The following SIPA1L1 variants were observed in gnomAD, a reference collection of about 807,000 sequenced individuals.
SIPA1L1 encodes signal-induced proliferation-associated 1-like protein 1.
A neutral mutation model predicts 162.7 loss-of-function variants in SIPA1L1; 26 were observed. That is an observed-to-expected ratio of 0.16 (90% CI 0.12 to 0.22). The LOEUF is 0.22. Ranked by LOEUF, SIPA1L1 falls within the 10% of genes least tolerant of loss-of-function variation. The probability of loss-of-function intolerance (pLI) is 1.00; values close to 1 mark genes in which losing one functional copy is unlikely to be tolerated. For missense variants in SIPA1L1, 1,874 were observed against 2,241.0 expected (o/e 0.84, Z 3.31); for synonymous variants, 829 against 837.4 (o/e 0.99, Z 0.17).
chr14:71,684,961 C>T (rs2046158666), intron 12 of SIPA1L1, among the ~76,000 whole-genome samples: 1 of 152,126 alleles, frequency 6.6e-6, no homozygotes, highest in Non-Finnish European at 1.5e-5. Context: ...TTTCAGAACC[C>T]AGTTGTGGTG....
chr14:71,671,753 A>G (rs2044540519), intron 11 of SIPA1L1, 61 bp downstream of exon 11: 3 of 1,289,224 alleles, frequency 2.3e-6, no homozygotes, highest in South Asian at 1.5e-5. Context: ...TTCAATACAG[A>G]CTAGAGCCAA....
rs2045355351 is a variant in SIPA1L1 at position 71,677,738 on chromosome 14, G to A, written c.3104+5116G>A. On this transcript the variant is annotated intron_variant, in intron 12 of 23. Transcript: ENST00000381232. ...TCATTTATTAAATAGGGAATCCTGT[G>A]CCCATTTCTAGTTTTTGTCAAGTTT... Among the ~76,000 whole-genome samples, 4 of 152,192 alleles carry A rather than the reference G, an allele frequency of 2.6e-5. No individual in the cohort carries two copies. In the South Asian group the frequency reaches 8.3e-4, roughly 32 times the overall value.
At chr14:71,703,735 C>G (rs1036226288) in intron 15 of SIPA1L1, among the ~76,000 whole-genome samples, 1 of 152,148 alleles carries the variant, frequency 6.6e-6, no homozygotes, top group African/African-American at 2.4e-5. Flanking sequence ...AGGCTTTGAA[C>G]AAGGCTGCCA....
At chr14:71,461,464 C>T (rs2046598482) in intron 2 of SIPA1L1, among the ~76,000 whole-genome samples, 1 of 152,106 alleles carries the variant, frequency 6.6e-6, no homozygotes, top group Non-Finnish European at 1.5e-5. Flanking sequence ...TCATTCCATT[C>T]ACTTGATTAT....
At chr14:71,554,241 A>C (rs1352770640) in intron 4 of SIPA1L1, among the ~76,000 whole-genome samples, 3 of 152,128 alleles carry the variant, frequency 2.0e-5, no homozygotes, top group Non-Finnish European at 4.4e-5. Flanking sequence ...TCAAACCTTC[A>C]AATGTTAATT....
At chr14:71,445,448 T>A (rs186305478) in intron 2 of SIPA1L1, among the ~76,000 whole-genome samples, 217 of 152,282 alleles carry the variant, frequency 1.4e-3, no homozygotes, top group Non-Finnish European at 2.6e-3. Context: ...TTTTTTTTTT[T>A]AATTCTTGTA....
chr14:71,521,842 A>G (rs1419814474), intron 3 of SIPA1L1, among the ~76,000 whole-genome samples: 1 of 152,206 alleles, frequency 6.6e-6, no homozygotes, highest in East Asian at 1.9e-4. Context: ...CAGCCATTCC[A>G]GTGGGTAGGT....
intron 7 of SIPA1L1, 165 bp from the exon 8 acceptor site, chr14:71,650,170 T>TGC (rs1434954022): frequency 5.5e-6 from 4 of 726,616 alleles, no homozygotes; most frequent in Non-Finnish European, 9.6e-6. Context: ...CGTAGATACT[T>TGC]GCTCCACTTA....
intron 2 of SIPA1L1, among the ~76,000 whole-genome samples, chr14:71,357,626 A>T (rs1366258169): frequency 6.6e-6 from 1 of 152,082 alleles, no homozygotes; most frequent in Non-Finnish European, 1.5e-5. Flanking sequence ...CAGTGGCATG[A>T]TCTCCGCTCA....
chr14:71,351,001 T>C (rs2036648206), intron 2 of SIPA1L1, among the ~76,000 whole-genome samples: 1 of 152,222 alleles, frequency 6.6e-6, no homozygotes, highest in African/African-American at 2.4e-5. Context: ...GTTACAACTT[T>C]GATCTGTGAA....
At position 71,624,190 on chromosome 14, in the gene SIPA1L1, A is replaced by G. The variant is rs776063131; in HGVS notation, c.1772A>G (p.Asn591Ser). The change falls in exon 7 of 24, where the codon AAC becomes AGC. Residue 591 changes from asparagine to serine, a missense_variant. Physicochemically the swap from Asn to Ser is conservative, Grantham distance 46. Transcript: ENST00000381232. ...LNVQCLRLAF[N>S]TPKVTEQLMK... The stretch of plus-strand genomic sequence containing the variant: ...GTCCAGTGCCTGCGGTTGGCCTTCA[A>G]CACACCCAAGGTCACAGAGCAGCTC... The G allele has an allele frequency of 1.6e-5, 26 of 1,614,034 alleles. No individual in the cohort carries two copies. Among genetic ancestry groups the G allele is most frequent in the Admixed American group, 5.0e-5 (3 of 60,006 alleles).
chr14:71,559,638 AAGCC>A (rs2056624717), intron 4 of SIPA1L1, among the ~76,000 whole-genome samples: 1 of 152,222 alleles, frequency 6.6e-6, no homozygotes, highest in Admixed American at 6.5e-5. Flanking sequence ...ATTGTTTTTA[AAGCC>A]AAAAGATTTT....
At chr14:71,693,726 T>A (rs997980058) in intron 13 of SIPA1L1, among the ~76,000 whole-genome samples, 1 of 151,686 alleles carries the variant, frequency 6.6e-6, no homozygotes, top group African/African-American at 2.4e-5. Flanking sequence ...TCTTTTCTTT[T>A]TTTTTTTTTT....
intron 7 of SIPA1L1, among the ~76,000 whole-genome samples, chr14:71,643,051 G>GGTAGTTC (rs2041866406): frequency 1.3e-5 from 2 of 151,746 alleles, no homozygotes; most frequent in African/African-American, 4.8e-5. Flanking sequence ...GGAGACCCCA[G>GGTAGTTC]AGGAGTTAGG....
At chr14:71,425,403 A>G (rs546521400) in intron 2 of SIPA1L1, among the ~76,000 whole-genome samples, 51 of 152,020 alleles carry the variant, frequency 3.4e-4, no homozygotes, top group African/African-American at 1.2e-3. Context: ...AAGTTTTGGC[A>G]TTTGTGTTTT....
chr14:71,415,359 G>A (rs548394094), intron 2 of SIPA1L1, among the ~76,000 whole-genome samples: 4 of 152,274 alleles, frequency 2.6e-5, no homozygotes, highest in African/African-American at 4.8e-5. Context: ...CTTTAATAGA[G>A]GTGGAATCTA....
chr14:71,476,974 G>A (rs1232917624), intron 2 of SIPA1L1, among the ~76,000 whole-genome samples: 1 of 152,106 alleles, frequency 6.6e-6, no homozygotes, highest in Non-Finnish European at 1.5e-5. Context: ...TTCTTTGTGG[G>A]CCAGGCATAG....
intron 2 of SIPA1L1, among the ~76,000 whole-genome samples, chr14:71,360,192 G>A (rs1000119775): frequency 4.6e-5 from 7 of 152,184 alleles, no homozygotes; most frequent in Non-Finnish European, 1.0e-4. Flanking sequence ...TGTTCTAAAG[G>A]TTTCAGATAA....
chr14:71,676,152 G>T (rs2045149659), intron 12 of SIPA1L1, among the ~76,000 whole-genome samples: 1 of 149,360 alleles, frequency 6.7e-6, no homozygotes, highest in Admixed American at 6.7e-5. Context: ...AAATTAGGGG[G>T]GCGTGCTGGC....
Sources: allele counts gnomAD v4.1 joint callset (sites outside exome capture counted in the v4.1 genomes callset), GRCh38; gene constraint gnomAD v4.1.1; transcripts MANE v1.5; gene names NCBI Gene and HGNC (gene_info 2026-07-23, HGNC 2026-07-21).